Variants in SHOC2 observed in about 807,000 individuals in gnomAD.
SHOC2 encodes the protein SHOC2 leucine rich repeat scaffold protein.
SHOC2 carries 4 observed loss-of-function variants against 50.2 expected under a neutral mutation model. The observed-to-expected ratio is 0.08, with a 90% CI of 0.04 to 0.18. The LOEUF (loss-of-function observed/expected upper bound fraction) is 0.18. Ranked by LOEUF, SHOC2 falls within the 10% of genes least tolerant of loss-of-function variation. The pLI is 1.00. For missense variants in SHOC2, 388 were observed against 669.6 expected, an observed-to-expected ratio of 0.58 and a Z score of 4.64; for synonymous variants, 218 against 244.5, an observed-to-expected ratio of 0.89 and a Z score of 1.01.
chr10:110,919,974 GC>G (rs1846586456), intron 1 of SHOC2: 1 of 151,684 alleles, frequency 6.6e-6, no homozygotes, highest in Non-Finnish European at 1.5e-5. Context: ...GCGGCGGCGG[GC>G]GGCCCGGACA....
rs746934269 is a variant in SHOC2, at chr10:110,976,316, C to CT, written c.704-9299dup. Among the ~76,000 whole-genome samples the CT allele has an allele frequency of 9.1e-3, 1,305 of 142,832 alleles. 12 individuals carry two copies. The highest frequency in any genetic ancestry group is 0.027 in the East Asian group (133 of 5,008). 93.7% of individuals were successfully genotyped at this position (142,832 alleles called of 152,430 possible). A position where few individuals can be genotyped will look rare whatever the true frequency, so the allele number is the denominator to read the frequency against. On this transcript the variant is annotated intron_variant, in intron 2 of 8. Coordinates refer to ENST00000369452, the MANE Select transcript of SHOC2 (RefSeq NM_007373.4). ...GTTTATTTTAAAATCTTTATTTTGC[C>CT]TTTTTTTTTTTTTGAGGCAGGATCT...
chr10:110,956,192 C>CT (rs200668347), intron 1 of SHOC2, among the ~76,000 whole-genome samples: 220 of 147,008 alleles, frequency 1.5e-3, no homozygotes, highest in African/African-American at 4.4e-3. Flanking sequence ...CATTTCATGT[C>CT]TTTTTTTTTT....
intron 2 of SHOC2, among the ~76,000 whole-genome samples, chr10:110,975,477 T>G (rs1209249096): frequency 6.6e-6 from 1 of 152,192 alleles, no homozygotes; most frequent in Non-Finnish European, 1.5e-5. Flanking sequence ...GTCCATAGTA[T>G]CCTCTGATCT....
At chr10:110,962,047 A>G (rs956940150) in intron 1 of SHOC2, among the ~76,000 whole-genome samples, 1 of 152,062 alleles carries the variant, frequency 6.6e-6, no homozygotes, top group Non-Finnish European at 1.5e-5. Flanking sequence ...TTAAACAAAT[A>G]TCTCAGGTCA....
At chr10:111,006,357 G>A (rs994775044) in intron 5 of SHOC2, among the ~76,000 whole-genome samples, 1 of 152,150 alleles carries the variant, frequency 6.6e-6, no homozygotes, top group African/African-American at 2.4e-5. Flanking sequence ...CATGTGCAAT[G>A]CAGCAAATTT....
rs1471359685 is a variant in SHOC2 at position 110,970,110 on chromosome 10, TACAGA to T, written c.703+5054_703+5058del. 2.0e-5 allele frequency among the ~76,000 whole-genome samples: 3 copies of T among 152,138 alleles called. No individual in the cohort carries two copies. The East Asian group carries it at 5.8e-4, about 29-fold the overall frequency. ...GTTTGCTAAAGTCACCCAACAGTGT[TACAGA>T]ACAGTAGAATTTAGAACAGATAGAA... is the stretch of plus-strand genomic sequence containing the variant. On this transcript the variant is annotated intron_variant, in intron 2 of 8. Coordinates refer to ENST00000369452, the MANE Select transcript of SHOC2 (RefSeq NM_007373.4).
intron 1 of SHOC2, among the ~76,000 whole-genome samples, chr10:110,930,663 C>T (rs1299334524): frequency 6.9e-6 from 1 of 145,056 alleles, no homozygotes; most frequent in Non-Finnish European, 1.5e-5. Context: ...CTTGGGAATA[C>T]TTAAGTTGTG....
At chr10:110,936,431 C>G (rs1175621495) in intron 1 of SHOC2, among the ~76,000 whole-genome samples, 5 of 151,842 alleles carry the variant, frequency 3.3e-5, no homozygotes, top group Admixed American at 6.6e-5. Context: ...ACATTGATTC[C>G]CTCCTCCTTC....
At chr10:110,985,144 A>G (rs1848054520) in intron 2 of SHOC2, among the ~76,000 whole-genome samples, 1 of 152,230 alleles carries the variant, frequency 6.6e-6, no homozygotes. Flanking sequence ...ATATTTTAAA[A>G]TCACTTTTCC....
intron 2 of SHOC2, among the ~76,000 whole-genome samples, chr10:110,979,313 A>G (rs1847930614): frequency 6.6e-6 from 1 of 152,248 alleles, no homozygotes; most frequent in Non-Finnish European, 1.5e-5. Context: ...ACATCAATAA[A>G]GTGCTAGCAA....
intron 2 of SHOC2, among the ~76,000 whole-genome samples, chr10:110,976,849 A>C (rs1847887685): frequency 6.6e-6 from 1 of 151,556 alleles, no homozygotes; most frequent in African/African-American, 2.4e-5. Flanking sequence ...CTTTTCCCTT[A>C]CTTGGTCATT....
At chr10:110,960,775 A>G (rs557013895) in intron 1 of SHOC2, among the ~76,000 whole-genome samples, 1 of 152,256 alleles carries the variant, frequency 6.6e-6, no homozygotes, top group East Asian at 1.9e-4. Context: ...TCTTGGGTTC[A>G]AGTGACTCTC....
chr10:110,964,531 G>A lies in SHOC2; in HGVS notation c.173G>A (p.Ser58Asn), dbSNP rs747978285. 1.9e-6 allele frequency: 3 copies of A among 1,613,978 alleles called. No individual in the cohort carries two copies. In the African/African-American group the frequency reaches 4.0e-5, roughly 22 times the overall value. ...GCCAAAGATGGAAAGAAGGACTCCA[G>A]TGCTGCCCAACCAGGGGTGGCATTT... ...KDAKDGKKDSSAAQPGVAFSV... is the reference protein window; with the variant it reads ...KDAKDGKKDSNAAQPGVAFSV... Residue 58 changes from serine (S) to asparagine (N), a missense_variant, in exon 2 of 9, where the codon AGT becomes AAT. This residue lies in a region of SHOC2 where 121 missense variants were observed against 145.5 expected (regional missense o/e 0.83). Coordinates refer to ENST00000369452, the MANE Select transcript of SHOC2 (RefSeq NM_007373.4). The surrounding 1 kb of genome is among the most constrained non-coding windows in gnomAD (Gnocchi z 4.9).
intron 1 of SHOC2, among the ~76,000 whole-genome samples, chr10:110,958,737 T>G (rs775978637): frequency 1.4e-4 from 22 of 152,124 alleles, no homozygotes; most frequent in Admixed American, 6.5e-4. Flanking sequence ...TCTTTTTTTT[T>G]TTGTTCCCTG....
At chr10:110,990,332 ACT>A (rs1338774695) in intron 3 of SHOC2, among the ~76,000 whole-genome samples, 2 of 150,218 alleles carry the variant, frequency 1.3e-5, no homozygotes, top group African/African-American at 4.9e-5. Flanking sequence ...ACCAATGGAC[ACT>A]CTGTATCTAG....
chr10:110,960,133 T>C (rs1847543520), intron 1 of SHOC2, among the ~76,000 whole-genome samples: 1 of 152,258 alleles, frequency 6.6e-6, no homozygotes, highest in South Asian at 2.1e-4. Context: ...CACTGACTTA[T>C]GACAGGGCTT....
rs529759884 is a variant in SHOC2 at position 110,981,071 on chromosome 10, C to T, written c.704-4557C>T. Among the ~76,000 whole-genome samples, 6 of 152,190 alleles carry T rather than the reference C, an allele frequency of 3.9e-5. No individual in the cohort carries two copies. The East Asian group carries it at 1.2e-3, about 29-fold the overall frequency. Reference sequence around the variant, plus strand: ...GTAAGTTTTTCTTTCATGAATGAGTCAGTGAAATGGGTCACCACCTTAAAG... The same window carrying T: ...GTAAGTTTTTCTTTCATGAATGAGTTAGTGAAATGGGTCACCACCTTAAAG... On this transcript the variant is annotated intron_variant, in intron 2 of 8. Coordinates refer to ENST00000369452, the MANE Select transcript of SHOC2 (RefSeq NM_007373.4).
intron 1 of SHOC2, among the ~76,000 whole-genome samples, chr10:110,938,088 C>CT (rs1186481445): frequency 6.6e-6 from 1 of 152,060 alleles, no homozygotes; most frequent in Non-Finnish European, 1.5e-5. Context: ...TTCTGAATGG[C>CT]ATCTTGTTTT....
At chr10:110,937,444 T>C (rs376116599) in intron 1 of SHOC2, among the ~76,000 whole-genome samples, 2 of 152,346 alleles carry the variant, frequency 1.3e-5, no homozygotes, top group African/African-American at 4.8e-5. Context: ...CTTGAGCTCT[T>C]CTAGCATCCC....
Sources: gnomAD v4.1 joint callset for allele counts (sites outside exome capture counted in the v4.1 genomes callset) on GRCh38, gnomAD v4.1.1 for gene constraint, gnomAD v4.1.1 regional missense constraint, Gnocchi (gnomAD v3.1) non-coding constraint, MANE v1.5 for transcripts, NCBI Gene and HGNC (gene_info 2026-07-23, HGNC 2026-07-21) for gene names.